Variants in MGAT5 observed in about 807,000 individuals in gnomAD.
The protein encoded by MGAT5 is alpha-1,6-mannosylglycoprotein 6-beta-N-acetylglucosaminyltransferase.
Under a neutral mutation model 94.3 loss-of-function variants are expected in MGAT5, and 30 were observed. The ratio of observed to expected loss-of-function variants is 0.32; its 90% confidence interval spans 0.24 to 0.43. MGAT5 has a LOEUF of 0.43. Ranked by LOEUF, MGAT5 falls within the 20% of genes least tolerant of loss-of-function variation. The pLI, the probability that MGAT5 is intolerant of heterozygous loss-of-function variation, is 1.00. For synonymous variants in MGAT5, 310 were observed against 322.9 expected (o/e 0.96, Z 0.43); for missense variants, 691 against 905.5 (o/e 0.76, Z 3.04).
intron 14 of MGAT5, among the ~76,000 whole-genome samples, chr2:134,440,163 C>G (rs1685406131): frequency 1.3e-5 from 2 of 152,172 alleles, no homozygotes; most frequent in Admixed American, 1.3e-4. Flanking sequence ...TCAACTGGCT[C>G]TGCCCCACTC....
chr2:134,414,382 G>A (rs1031330022), intron 12 of MGAT5, among the ~76,000 whole-genome samples: 1 of 152,182 alleles, frequency 6.6e-6, no homozygotes, highest in African/African-American at 2.4e-5. Context: ...GCCCAGCAGT[G>A]AAAATATCTC....
chr2:134,435,691 A>T (rs1685131052), intron 14 of MGAT5, among the ~76,000 whole-genome samples: 1 of 152,204 alleles, frequency 6.6e-6, no homozygotes, highest in Non-Finnish European at 1.5e-5. Flanking sequence ...TGAGCATGTT[A>T]TACATTATGA....
At chr2:134,289,328 C>T (rs1257731469) in intron 2 of MGAT5, among the ~76,000 whole-genome samples, 1 of 152,120 alleles carries the variant, frequency 6.6e-6, no homozygotes, top group Non-Finnish European at 1.5e-5. Context: ...TCCAGGGTGC[C>T]GATCTCTCTT....
At chr2:134,415,006 C>A (rs1197914636) in intron 12 of MGAT5, among the ~76,000 whole-genome samples, 2 of 151,994 alleles carry the variant, frequency 1.3e-5, no homozygotes, top group African/African-American at 4.8e-5. Context: ...ATTTGTTTAT[C>A]TATTCATCCA....
intron 2 of MGAT5, among the ~76,000 whole-genome samples, chr2:134,309,851 A>C (rs182210271): frequency 4.6e-5 from 7 of 152,304 alleles, no homozygotes; most frequent in Middle Eastern, 3.4e-3. Flanking sequence ...ATGCTGGCTT[A>C]ACAGCTTAAT....
intron 1 of MGAT5, among the ~76,000 whole-genome samples, chr2:134,188,830 T>C (rs556344677): frequency 8.2e-4 from 125 of 152,336 alleles, no homozygotes; most frequent in African/African-American, 2.7e-3. Flanking sequence ...CCATTCACCC[T>C]TTTGACTGAC....
Position 134,362,417 on chromosome 2 carries a change from G to T in MGAT5, c.1380+9G>T. ...TGGATAGCTTCTGGAAGGTGAGTCA[G>T]TCTGTGCGTGTCTCTCTCTCTGAAA... On this transcript the variant is annotated intron_variant, in intron 10 of 15. Transcript: ENST00000281923. 6.2e-7 allele frequency: 1 copy of T among 1,607,762 alleles called. No individual in the cohort carries two copies. Among genetic ancestry groups the T allele is most frequent in the East Asian group, 2.2e-5 (1 of 44,850 alleles).
chr2:134,213,562 A>T (rs1469196476), intron 1 of MGAT5, among the ~76,000 whole-genome samples: 1 of 152,096 alleles, frequency 6.6e-6, no homozygotes, highest in Middle Eastern at 3.2e-3. Flanking sequence ...AACTGCCCCC[A>T]CTTCAGACAC....
rs1558978069 is a variant in MGAT5 at position 134,189,602 on chromosome 2, G to GTTTTTTTGTTTTTTTTTTTTTTTTTTTTT, written c.-142-64653_-142-64652insGTTTTTTTTTTTTTTTTTTTTTTTTTTTT. Among the ~76,000 whole-genome samples the GTTTTTTTGTTTTTTTTTTTTTTTTTTTTT allele has an allele frequency of 2.4e-5, 2 of 84,672 alleles. 1 individual carries two copies. The highest frequency in any genetic ancestry group is 4.6e-5 in the Non-Finnish European group (2 of 43,580). The allele number at this position is 84,672 out of a possible 152,430, so 55.5% of individuals were successfully genotyped here. ...AACCTCATGGCTCTAGTTTTTTTTT[G>GTTTTTTTGTTTTTTTTTTTTTTTTTTTTT]TTTTTTTTTTTTTTTTTTAAGACAG... is the stretch of plus-strand genomic sequence containing the variant. On this transcript the variant is annotated intron_variant, in intron 1 of 16. Coordinates refer to the MGAT5 transcript ENST00000409645.
At chr2:134,155,856 C>T (rs1444680515) in intron 1 of MGAT5, among the ~76,000 whole-genome samples, 3 of 152,124 alleles carry the variant, frequency 2.0e-5, no homozygotes, top group Admixed American at 2.0e-4. Flanking sequence ...CTGGCCAACT[C>T]CTGCCTCTTC....
intron 12 of MGAT5, among the ~76,000 whole-genome samples, chr2:134,419,679 G>T: frequency 6.6e-6 from 1 of 152,086 alleles, no homozygotes; most frequent in South Asian, 2.1e-4. Context: ...ATTCAGAGGG[G>T]AACTAATGAA....
intron 9 of MGAT5, among the ~76,000 whole-genome samples, chr2:134,351,871 T>C (rs1297383042): frequency 1.3e-5 from 2 of 152,172 alleles, no homozygotes; most frequent in Admixed American, 6.6e-5. Context: ...AAAAGTTCCA[T>C]GTTCCAACGG....
intron 4 of MGAT5, among the ~76,000 whole-genome samples, chr2:134,325,389 T>A (rs573120315): frequency 6.6e-6 from 1 of 152,264 alleles, no homozygotes; most frequent in African/African-American, 2.4e-5. Context: ...CTTTTTAATA[T>A]GCAAAATTTC....
Position 134,331,839 on chromosome 2 carries a change from G to A in MGAT5, c.574-4378G>A, listed in dbSNP as rs1687994704. Among the ~76,000 whole-genome samples the A allele has an allele frequency of 2.6e-5, 4 of 152,198 alleles. No individual in the cohort carries two copies. In the South Asian group the frequency reaches 8.3e-4, roughly 32 times the overall value. On this transcript the variant is annotated intron_variant, in intron 4 of 15. Transcript: ENST00000281923. Reference sequence around the variant, plus strand: ...CATTTTCAGGTCAAGAAGGTGGTGGGTAGGATTCCAACTTACAAGGGACGT... The same window carrying A: ...CATTTTCAGGTCAAGAAGGTGGTGGATAGGATTCCAACTTACAAGGGACGT...
chr2:134,159,823 G>A (rs1466289426), intron 1 of MGAT5, among the ~76,000 whole-genome samples: 1 of 152,152 alleles, frequency 6.6e-6, no homozygotes, highest in East Asian at 1.9e-4. Context: ...GGTATGATAA[G>A]GACTCCTAGA....
chr2:134,177,765 G>A (rs576626005), intron 1 of MGAT5, among the ~76,000 whole-genome samples: 1 of 152,186 alleles, frequency 6.6e-6, no homozygotes, highest in South Asian at 2.1e-4. Context: ...ATGCAGGCTC[G>A]CAGTCAGCAG....
chr2:134,144,943 T>A (rs1045763367), intron 1 of MGAT5, among the ~76,000 whole-genome samples: 2 of 152,234 alleles, frequency 1.3e-5, no homozygotes, highest in African/African-American at 4.8e-5. Flanking sequence ...GAGGTCACGC[T>A]GGCCTGCTTG....
At chr2:134,255,864 A>G (rs930525190) in intron 1 of MGAT5, among the ~76,000 whole-genome samples, 1 of 152,206 alleles carries the variant, frequency 6.6e-6, no homozygotes, top group African/African-American at 2.4e-5. Context: ...TTGAGTTCAG[A>G]CACAGGAAAT....
intron 1 of MGAT5, among the ~76,000 whole-genome samples, chr2:134,172,675 CAT>C: frequency 1.3e-5 from 2 of 152,292 alleles, no homozygotes; most frequent in East Asian, 1.9e-4. Context: ...TGTGAGCCAC[CAT>C]GCCCAGCCAG....
Sources: allele counts gnomAD v4.1 joint callset (sites outside exome capture counted in the v4.1 genomes callset), GRCh38; gene constraint gnomAD v4.1.1; transcripts MANE v1.5; gene names NCBI Gene and HGNC (gene_info 2026-07-23, HGNC 2026-07-21).